ADAMTS2: variants seen among roughly 807,000 people sequenced by gnomAD.
The protein encoded by ADAMTS2 is ADAM metallopeptidase with thrombospondin type 1 motif 2, also known as A disintegrin and metalloproteinase with thrombospondin motifs 2.
In ADAMTS2, 50 loss-of-function variants were observed where a neutral mutation model predicts 123.0. The ratio of observed to expected loss-of-function variants is 0.41; its 90% CI spans 0.32 to 0.51. The LOEUF is 0.51. ADAMTS2 is among the 20% of genes least tolerant of loss of function. The pLI, the probability that ADAMTS2 is intolerant of heterozygous loss-of-function variation, is 0.35. For synonymous variants in ADAMTS2, 678 were observed against 695.4 expected, an observed-to-expected ratio of 0.98 and a Z score of 0.39; for missense variants, 1,494 against 1,705.2, an observed-to-expected ratio of 0.88 and a Z score of 2.18.
chr5:179,271,950 G>A (rs971378643), intron 3 of ADAMTS2, among the ~76,000 whole-genome samples: 3 of 152,326 alleles, frequency 2.0e-5, no homozygotes, highest in Admixed American at 6.5e-5. Flanking sequence ...CGCTGTGAAC[G>A]TGCAGGTGTG....
At chr5:179,154,959 C>G in intron 6 of ADAMTS2, 40 bp from the exon 7 acceptor site, 2 of 1,577,036 alleles carry the variant, frequency 1.3e-6, no homozygotes, top group Non-Finnish European at 1.7e-6. Flanking sequence ...GCTGCCATAG[C>G]CTGGCCGGGA....
chr5:179,303,267 C>T lies in ADAMTS2; in HGVS notation c.535-30203G>A, dbSNP rs544724610. ...TAGAAGTCCCTCCCTGATTATAAACCGCTCAACACATAGAGAGGTCCCTAG... is the reference window on the plus strand; with the variant it reads ...TAGAAGTCCCTCCCTGATTATAAACTGCTCAACACATAGAGAGGTCCCTAG... On this transcript the variant is annotated intron_variant, in intron 2 of 21. Coordinates refer to ENST00000251582, the MANE Select transcript of ADAMTS2 (RefSeq NM_014244.5). This position sits in a 1 kb window ranked among gnomAD's most constrained non-coding sequence, Gnocchi z 4.7. Among the ~76,000 whole-genome samples the T allele has an allele frequency of 4.6e-5, 7 of 152,228 alleles. No homozygotes were observed. The highest frequency in any genetic ancestry group is 3.9e-4 in the East Asian group (2 of 5,176).
intron 4 of ADAMTS2, among the ~76,000 whole-genome samples, chr5:179,187,506 A>G (rs553391354): frequency 1.3e-5 from 2 of 152,364 alleles, no homozygotes; most frequent in South Asian, 4.1e-4. Flanking sequence ...CTTTGAAGAT[A>G]TGGAATAACA....
At chr5:179,296,460 C>T (rs1195219744) in intron 2 of ADAMTS2, among the ~76,000 whole-genome samples, 1 of 148,726 alleles carries the variant, frequency 6.7e-6, no homozygotes, top group African/African-American at 2.6e-5. Flanking sequence ...GAGGCTGGGG[C>T]CCCTGCTCGG....
At position 179,155,533 on chromosome 5, in the gene ADAMTS2, G is replaced by A. The variant is rs1763451046; in HGVS notation, c.1133-614C>T. Among the ~76,000 whole-genome samples, 1 of 152,218 alleles carries A rather than the reference G, an allele frequency of 6.6e-6. No individual in the cohort carries two copies. The highest frequency in any genetic ancestry group is 1.5e-5 in the Non-Finnish European group (1 of 68,038). On this transcript the variant is annotated intron_variant, in intron 6 of 21. Coordinates refer to ENST00000251582, the MANE Select transcript of ADAMTS2 (RefSeq NM_014244.5). This position sits in a 1 kb window ranked among gnomAD's most constrained non-coding sequence, Gnocchi z 5.1. Reference sequence around the variant, plus strand: ...AGAATATCCCAGCAGGGGGCTGGCTGGTGCGGACTGGGAGGTCAGAGCCGC... The same window carrying A: ...AGAATATCCCAGCAGGGGGCTGGCTAGTGCGGACTGGGAGGTCAGAGCCGC...
intron 3 of ADAMTS2, among the ~76,000 whole-genome samples, chr5:179,270,447 C>T (rs1054612189): frequency 2.0e-5 from 3 of 152,196 alleles, no homozygotes; most frequent in Admixed American, 6.5e-5. Flanking sequence ...CACCTCCTGC[C>T]AGCTTCTGCC....
rs188907049 is a variant in ADAMTS2 at position 179,240,649 on chromosome 5, A to G, written c.688+32262T>C. ...TTTGGAAACCTTGACAGCTGTGGTCATGGTCGACCTCATGGGAAATTTTGC... is the reference window on the plus strand; with the variant it reads ...TTTGGAAACCTTGACAGCTGTGGTCGTGGTCGACCTCATGGGAAATTTTGC... On this transcript the variant is annotated intron_variant, in intron 3 of 21. Transcript: ENST00000251582. 2.0e-3 allele frequency among the ~76,000 whole-genome samples: 303 copies of G among 152,332 alleles called. 1 individual carries two copies. Among genetic ancestry groups the G allele is most frequent in the South Asian group, 1.9e-3 (9 of 4,824 alleles).
At chr5:179,207,753 A>G (rs751818866) in intron 3 of ADAMTS2, 38 bp from the exon 4 acceptor site, 17 of 1,588,536 alleles carry the variant, frequency 1.1e-5, no homozygotes, top group Non-Finnish European at 1.2e-5. Context: ...GGCAGGGCAA[A>G]CCCACCCGGA....
chr5:179,207,378 CTG>C, intron 4 of ADAMTS2, 133 bp downstream of exon 4: 2 of 929,966 alleles, frequency 2.2e-6, no homozygotes, highest in South Asian at 3.0e-5. Flanking sequence ...CTCCCTGAGA[CTG>C]TGTCACTCAC....
rs533078109 is a variant in ADAMTS2, at chr5:179,225,096, G to A, written c.689-17381C>T. ...ATGTGTTTTATGGTGGAATCCTCAC[G>A]CAGGGGCCTGAGGAACACTCCCTGG... On this transcript the variant is annotated intron_variant, in intron 3 of 21. Coordinates refer to ENST00000251582, the MANE Select transcript of ADAMTS2 (RefSeq NM_014244.5). This position sits in a 1 kb window ranked among gnomAD's most constrained non-coding sequence, Gnocchi z 4.5. Among the ~76,000 whole-genome samples the A allele has an allele frequency of 7.2e-5, 11 of 152,254 alleles. No individual in the cohort carries two copies. The highest frequency in any genetic ancestry group is 3.4e-3 in the Middle Eastern group (1 of 294).
At chr5:179,341,935 G>A (rs979398260) in intron 2 of ADAMTS2, among the ~76,000 whole-genome samples, 7 of 152,078 alleles carry the variant, frequency 4.6e-5, no homozygotes, top group East Asian at 3.9e-4. Flanking sequence ...CCCTCTGCCC[G>A]GGTTGCCAAC....
In ADAMTS2 at chr5:179,345,330, G is replaced by A; in HGVS notation, c.-2C>T. The A allele has an allele frequency of 2.6e-6, 3 of 1,134,726 alleles. No homozygotes were observed. The allele number at this position is 1,134,726 out of a possible 1,614,324, so 70.3% of individuals were successfully genotyped here. ...AGCGGCTCCCGCCGGCGGATCCATG[G>A]CAGCCGGACTGCAGCCGGGGCCCCG... is the stretch of plus-strand genomic sequence containing the variant. On this transcript the variant is annotated 5_prime_UTR_variant, in exon 1 of 22. Transcript: ENST00000251582. The surrounding 1 kb of genome is among the most constrained non-coding windows in gnomAD (Gnocchi z 7.5).
At chr5:179,135,426 T>C (rs1412967671) in intron 13 of ADAMTS2, among the ~76,000 whole-genome samples, 1 of 152,134 alleles carries the variant, frequency 6.6e-6, no homozygotes, top group Non-Finnish European at 1.5e-5. Context: ...CAGCCAAAGA[T>C]TGAAGCCAAA....
chr5:179,343,006 C>T (rs1230495508), intron 2 of ADAMTS2, among the ~76,000 whole-genome samples: 2 of 152,226 alleles, frequency 1.3e-5, no homozygotes, highest in African/African-American at 4.8e-5. Flanking sequence ...AAAGATCGAG[C>T]AGCTCATGGG....
intron 1 of ADAMTS2, among the ~76,000 whole-genome samples, chr5:179,344,851 G>T (rs1409276020): frequency 1.2e-4 from 18 of 152,106 alleles, no homozygotes; most frequent in Non-Finnish European, 5.9e-5. Context: ...CCCCGGACGC[G>T]AGCCCCGGCG....
chr5:179,245,735 C>T (rs1227905045), intron 3 of ADAMTS2, among the ~76,000 whole-genome samples: 3 of 118,290 alleles, frequency 2.5e-5, no homozygotes, highest in African/African-American at 1.0e-4. Flanking sequence ...CACTGCACTC[C>T]AGCCTGGGCG....
intron 3 of ADAMTS2, among the ~76,000 whole-genome samples, chr5:179,268,085 A>G (rs6601028): frequency 0.32 from 48,450 of 152,116 alleles, 8,138 homozygotes; most frequent in East Asian, 0.58. Context: ...ACATCAGGAA[A>G]GTTCACATAA....
intron 2 of ADAMTS2, among the ~76,000 whole-genome samples, chr5:179,273,664 C>T (rs1003923923): frequency 1.3e-5 from 2 of 152,098 alleles, no homozygotes; most frequent in African/African-American, 4.8e-5. Context: ...TTGGATGGAA[C>T]ACATGCCCCT....
At chr5:179,212,126 G>C (rs189255) in intron 3 of ADAMTS2, among the ~76,000 whole-genome samples, 35,203 of 146,822 alleles carry the variant, frequency 0.24, 4,565 homozygotes, top group Admixed American at 0.26. Context: ...GACTAGAGAA[G>C]AGAAAACCTG....
Sources: gnomAD v4.1 joint callset for allele counts (sites outside exome capture counted in the v4.1 genomes callset) on GRCh38, gnomAD v4.1.1 for gene constraint, Gnocchi (gnomAD v3.1) non-coding constraint, MANE v1.5 for transcripts, NCBI Gene and HGNC (gene_info 2026-07-23, HGNC 2026-07-21) for gene names.